The following PROKR1 variants were observed in gnomAD, a reference collection of about 807,000 sequenced individuals.
The protein encoded by PROKR1 is prokineticin receptor 1.
In PROKR1, 21 loss-of-function variants were observed where a neutral mutation model predicts 22.8. The observed-to-expected ratio is 0.92, with a 90% confidence interval of 0.65 to 1.32. PROKR1 has a LOEUF of 1.32. PROKR1 is among the 40% of genes most tolerant of loss of function. The pLI, the probability that PROKR1 is intolerant of heterozygous loss-of-function variation, is 0.00. For synonymous variants in PROKR1, 193 were observed against 207.5 expected, an observed-to-expected ratio of 0.93 and a Z score of 0.60; for missense variants, 548 against 514.2, an observed-to-expected ratio of 1.07 and a Z score of -0.64.
At chr2:68,648,522 A>G (rs1375998827) in intron 2 of PROKR1, among the ~76,000 whole-genome samples, 2 of 152,130 alleles carry the variant, frequency 1.3e-5, no homozygotes, top group Admixed American at 6.5e-5. Context: ...GGAAAGCACC[A>G]TGTGCCTTCA....
chr2:68,646,184 C>A lies in PROKR1; in HGVS notation c.363C>A (p.Asp121Glu). The stretch of plus-strand genomic sequence containing the variant: ...TTGTCTGCTGCCCCTTTGAGATGGA[C>A]TACTATGTGGTGCGCCAGCTCTCCT... Reference protein sequence around the residue: ...VAIVCCPFEMDYYVVRQLSWE... With the variant: ...VAIVCCPFEMEYYVVRQLSWE... The change falls in exon 2 of 3, where the codon GAC becomes GAA. Residue 121 changes from aspartate to glutamate, a missense_variant. Asp to Glu is a conservative substitution (Grantham distance 45). Coordinates refer to ENST00000303786, the MANE Select transcript of PROKR1 (RefSeq NM_138964.4). The A allele has an allele frequency of 1.2e-6, 2 of 1,608,786 alleles. No homozygotes were observed. Among genetic ancestry groups the A allele is most frequent in the Non-Finnish European group, 1.7e-6 (2 of 1,176,806 alleles).
chr2:68,656,908 C>A lies in PROKR1; in HGVS notation c.*1332C>A, dbSNP rs955347433. The A allele has an allele frequency of 3.3e-5, 5 of 152,088 alleles. No individual in the cohort carries two copies. The allele number at this position is 152,088 out of a possible 1,614,324, so 9.4% of individuals were successfully genotyped here. On this transcript the variant is annotated 3_prime_UTR_variant, in exon 3 of 3. Coordinates refer to ENST00000303786, the MANE Select transcript of PROKR1 (RefSeq NM_138964.4). The stretch of plus-strand genomic sequence containing the variant: ...ATGCATCTTCCAGAAGTCTGGGCAC[C>A]CAGGAAAGAAGGGGACACACAGATA...
rs1251689701 is a variant in PROKR1, at chr2:68,655,513, C to A, written c.1119C>A (p.Asp373Glu). The A allele has an allele frequency of 5.0e-6, 8 of 1,614,088 alleles. No individual in the cohort carries two copies. Among genetic ancestry groups the A allele is most frequent in the African/African-American group, 2.7e-5 (2 of 74,932 alleles). The part of the protein sequence containing the change: ...ASYNGGKSSA[D>E]LDLKTIGMPA... ...ACAATGGCGGTAAGTCCAGTGCAGACCTGGACCTCAAGACAATTGGGATGC... is the reference window on the plus strand; with the variant it reads ...ACAATGGCGGTAAGTCCAGTGCAGAACTGGACCTCAAGACAATTGGGATGC... Residue 373 changes from aspartate to glutamate, a missense_variant, in exon 3 of 3, where the codon GAC (aspartate) becomes GAA (glutamate). Asp to Glu is a conservative substitution (Grantham distance 45). Transcript: ENST00000303786.
chr2:68,649,388 G>A (rs1040276881), intron 2 of PROKR1: 1 of 152,152 alleles, frequency 6.6e-6, no homozygotes, highest in Non-Finnish European at 1.5e-5. Flanking sequence ...AGTGTTTCTT[G>A]GATCTGCCCA....
chr2:68,649,778 G>A (rs1040045072), intron 2 of PROKR1, among the ~76,000 whole-genome samples: 2 of 152,056 alleles, frequency 1.3e-5, no homozygotes, highest in African/African-American at 4.8e-5. Context: ...CCTGCCTTGG[G>A]AAGACAGGGA....
At chr2:68,650,163 A>G (rs975250199) in intron 2 of PROKR1, among the ~76,000 whole-genome samples, 6 of 151,834 alleles carry the variant, frequency 4.0e-5, no homozygotes, top group South Asian at 2.1e-4. Flanking sequence ...ACATGTATAC[A>G]TATGTAACTA....
intron 2 of PROKR1, among the ~76,000 whole-genome samples, chr2:68,654,016 T>C (rs1175404323): frequency 6.6e-6 from 1 of 152,216 alleles, no homozygotes; most frequent in East Asian, 1.9e-4. Context: ...CACTCATCTC[T>C]CACTGCCTTC....
At chr2:68,651,203 G>GAA (rs34036623) in intron 2 of PROKR1, among the ~76,000 whole-genome samples, 29 of 150,156 alleles carry the variant, frequency 1.9e-4, no homozygotes, top group African/African-American at 6.6e-4. Context: ...CTCTACAAAA[G>GAA]AAAAAAAAAA....
chr2:68,647,011 G>A (rs1673199991), intron 2 of PROKR1, among the ~76,000 whole-genome samples: 1 of 152,118 alleles, frequency 6.6e-6, no homozygotes, highest in African/African-American at 2.4e-5. Flanking sequence ...TCATGCCACT[G>A]TGCTCCAGCC....
chr2:68,654,806 CAAAAA>C (rs57056816), intron 2 of PROKR1, 69 bp from the exon 3 acceptor site: 66 of 1,165,750 alleles, frequency 5.7e-5, no homozygotes, highest in Middle Eastern at 2.4e-4. Context: ...AACCCTGTTT[CAAAAA>C]AAAAAAAAAA....
chr2:68,657,004 C>T lies in PROKR1; in HGVS notation c.*1428C>T, dbSNP rs553344736. ...TTGAAGACTCATCCCACTTTCTAAC[C>T]TGCCTCCTTTGTTTGATGTTTTGAG... On this transcript the variant is annotated 3_prime_UTR_variant, in exon 3 of 3. Coordinates refer to ENST00000303786, the MANE Select transcript of PROKR1 (RefSeq NM_138964.4). The T allele has an allele frequency of 6.6e-6, 1 of 152,394 alleles. No homozygotes were observed. Among genetic ancestry groups the T allele is most frequent in the African/African-American group, 2.4e-5 (1 of 41,566 alleles). 9.4% of individuals were successfully genotyped at this position (152,394 alleles called of 1,614,324 possible). A position where few individuals can be genotyped will look rare whatever the true frequency, so the allele number is the denominator to read the frequency against.
At position 68,646,183 on chromosome 2, in the gene PROKR1, A is replaced by G; in HGVS notation, c.362A>G (p.Asp121Gly). The part of the protein sequence containing the change: ...VAIVCCPFEM[D>G]YYVVRQLSWE... ...ATTGTCTGCTGCCCCTTTGAGATGGACTACTATGTGGTGCGCCAGCTCTCC... is the reference window on the plus strand; with the variant it reads ...ATTGTCTGCTGCCCCTTTGAGATGGGCTACTATGTGGTGCGCCAGCTCTCC... Residue 121 changes from aspartate to glycine, a missense_variant, in exon 2 of 3, where the codon GAC (aspartate) becomes GGC (glycine). Physicochemically the swap from Asp to Gly is moderately conservative, Grantham distance 94 (BLOSUM62 -1). Transcript: ENST00000303786. 1 of 1,608,064 alleles carries G rather than the reference A, an allele frequency of 6.2e-7. No homozygotes were observed. The highest frequency in any genetic ancestry group is 8.5e-7 in the Non-Finnish European group (1 of 1,176,112).
chr2:68,645,116 G>A lies in PROKR1; in HGVS notation c.-160-546G>A, dbSNP rs80212100. Among the ~76,000 whole-genome samples the A allele has an allele frequency of 3.8e-4, 58 of 152,168 alleles. 1 individual carries two copies. The highest frequency in any genetic ancestry group is 4.1e-4 in the Non-Finnish European group (28 of 68,032). On this transcript the variant is annotated intron_variant, in intron 1 of 2. Transcript: ENST00000303786. ...TCTAGCGTCCCCATTCTCATCACTT[G>A]GTTAGTCACAGGCTGTGACTTTACC...
chr2:68,653,679 G>A (rs4428042), intron 2 of PROKR1, among the ~76,000 whole-genome samples: 109,505 of 151,830 alleles, frequency 0.72, 41,193 homozygotes, highest in East Asian at 0.95. Context: ...TGCCAGCCAC[G>A]GGACGTCTTC....
At chr2:68,648,092 C>T (rs966485426) in intron 2 of PROKR1, among the ~76,000 whole-genome samples, 5 of 152,118 alleles carry the variant, frequency 3.3e-5, no homozygotes, top group African/African-American at 7.2e-5. Context: ...TTCATACTAG[C>T]GAGAAACTAC....
Position 68,646,322 on chromosome 2 carries a change from G to A in PROKR1, c.485+16G>A. On this transcript the variant is annotated intron_variant, in intron 2 of 2. Transcript: ENST00000303786. ...CCATTGACAGGTGAGTGCAGCAGCA[G>A]TGGGGACAACAAAGGCGGTCAGGGA... 1 of 1,614,122 alleles carries A rather than the reference G, an allele frequency of 6.2e-7. No homozygotes were observed. Among genetic ancestry groups the A allele is most frequent in the Non-Finnish European group, 8.5e-7 (1 of 1,180,024 alleles).
chr2:68,656,534 C>G lies in PROKR1; in HGVS notation c.*958C>G, dbSNP rs1044653687. 6.6e-6 allele frequency: 1 copy of G among 152,242 alleles called. No individual in the cohort carries two copies. The highest frequency in any genetic ancestry group is 6.5e-5 in the Admixed American group (1 of 15,280). 9.4% of individuals were successfully genotyped at this position (152,242 alleles called of 1,614,324 possible). ...CAATTAGGCTTCCCCTTAAGTCCTT[C>G]CCTTCCCTCTCACGCCTCCATGCTT... On this transcript the variant is annotated 3_prime_UTR_variant, in exon 3 of 3. Coordinates refer to ENST00000303786, the MANE Select transcript of PROKR1 (RefSeq NM_138964.4).
At position 68,655,885 on chromosome 2, in the gene PROKR1, T is replaced by C. The variant is rs1435068655; in HGVS notation, c.*309T>C. The C allele has an allele frequency of 9.6e-6, 4 of 417,688 alleles. No individual in the cohort carries two copies. The highest frequency in any genetic ancestry group is 2.2e-5 in the South Asian group (1 of 45,978). 25.9% of individuals were successfully genotyped at this position (417,688 alleles called of 1,614,324 possible). On this transcript the variant is annotated 3_prime_UTR_variant, in exon 3 of 3. Transcript: ENST00000303786. ...ACCAAGGAAAATGTGGTGGTGTAGA[T>C]AGAAATAAGGGAGTTTCCACAAAAG...
At chr2:68,650,220 A>C (rs912883007) in intron 2 of PROKR1, among the ~76,000 whole-genome samples, 1 of 152,172 alleles carries the variant, frequency 6.6e-6, no homozygotes, top group Non-Finnish European at 1.5e-5. Context: ...GTATAAAAAA[A>C]AAAGACCTCT....
Sources: allele counts gnomAD v4.1 joint callset (sites outside exome capture counted in the v4.1 genomes callset), GRCh38; gene constraint gnomAD v4.1.1; transcripts MANE v1.5; gene names NCBI Gene and HGNC (gene_info 2026-07-23, HGNC 2026-07-21).